POLR3E: variants seen among roughly 807,000 people sequenced by gnomAD.
POLR3E encodes DNA-directed RNA polymerase III subunit RPC5.
A neutral mutation model predicts 96.6 loss-of-function variants in POLR3E; 41 were observed. The ratio of observed to expected loss-of-function variants is 0.42; its 90% confidence interval spans 0.33 to 0.55. The LOEUF is 0.55. Ranked by LOEUF, POLR3E falls within the 20% of genes least tolerant of loss-of-function variation. POLR3E has a pLI of 0.06. For missense variants in POLR3E, 849 were observed against 952.1 expected, an observed-to-expected ratio of 0.89 and a Z score of 1.43; for synonymous variants, 396 against 383.6, an observed-to-expected ratio of 1.03 and a Z score of -0.38.
At chr16:22,303,537 C>T (rs1440793378) in intron 2 of POLR3E, among the ~76,000 whole-genome samples, 1 of 151,970 alleles carries the variant, frequency 6.6e-6, no homozygotes, top group Non-Finnish European at 1.5e-5. Context: ...TGTGACACAT[C>T]AGTGAGCAGG....
At chr16:22,302,805 A>T (rs2048053241) in intron 1 of POLR3E, 126 bp from the exon 2 acceptor site, 2 of 724,846 alleles carry the variant, frequency 2.8e-6, no homozygotes, top group Admixed American at 1.9e-5. Context: ...TTCAATGTAG[A>T]TGTAGAAAGA....
intron 14 of POLR3E, 100 bp downstream of exon 14, chr16:22,323,031 T>G (rs1039383574): frequency 8.0e-6 from 6 of 745,986 alleles, no homozygotes; most frequent in African/African-American, 1.7e-5. Context: ...AGGCTCCAGG[T>G]GGAGGCGGGT....
chr16:22,326,287 A>G lies in POLR3E; in HGVS notation c.1866+9A>G, dbSNP rs1215341265. ...AGCAGATACTGGTGCCTGTAAGTAG[A>G]GCCCTGCCTGCCAGGGGCATGGGGG... On this transcript the variant is annotated intron_variant, in intron 18 of 20. Coordinates refer to ENST00000299853, the MANE Select transcript of POLR3E (RefSeq NM_018119.4). The G allele has an allele frequency of 1.5e-6, 1 of 688,968 alleles. No homozygotes were observed. Among genetic ancestry groups the G allele is most frequent in the Non-Finnish European group, 2.3e-6 (1 of 431,760 alleles). 42.7% of individuals were successfully genotyped at this position (688,968 alleles called of 1,614,324 possible).
chr16:22,310,622 TA>T (rs60232148), intron 6 of POLR3E, among the ~76,000 whole-genome samples: 53 of 137,598 alleles, frequency 3.9e-4, no homozygotes, highest in Non-Finnish European at 5.0e-4. Context: ...TTAAAAAGTT[TA>T]AAAAAAAAAA....
In POLR3E at chr16:22,331,987, T is replaced by C; in HGVS notation, c.1945-73T>C. The stretch of plus-strand genomic sequence containing the variant: ...GCAACACAAAGTCAGGTGCATGGCT[T>C]GGGTGTCTTGTTTGGGGATGTTTCT... On this transcript the variant is annotated intron_variant, in intron 19 of 20. Coordinates refer to ENST00000299853, the MANE Select transcript of POLR3E (RefSeq NM_018119.4). 3.3e-6 allele frequency: 5 copies of C among 1,495,636 alleles called. No homozygotes were observed. The South Asian group carries it at 4.8e-5, about 14-fold the overall frequency. 92.6% of individuals were successfully genotyped at this position (1,495,636 alleles called of 1,614,324 possible).
At position 22,325,987 on chromosome 16, in the gene POLR3E, C is replaced by T; in HGVS notation, c.1575C>T (p.Gly525=). Residue 525 remains glycine, a synonymous_variant, in exon 18 of 21, where the codon GGC becomes GGT. Transcript: ENST00000299853. ...AGCCCATGGACACTTCCCCCAGCGG[C>T]CTCCACAGCAAGCTGGCCAACGGGC... The part of the protein sequence containing the change: ...EEEPMDTSPS[G]LHSKLANGLP... 2.5e-6 allele frequency: 4 copies of T among 1,594,116 alleles called. 1 individual carries two copies. The highest frequency in any genetic ancestry group is 3.4e-6 in the Non-Finnish European group (4 of 1,169,702).
rs773526479 is a variant in POLR3E, at chr16:22,303,009, C to T, written c.36+5C>T. On this transcript the variant is annotated splice_donor_5th_base_variant and intron_variant, in intron 2 of 20. Coordinates refer to ENST00000299853, the MANE Select transcript of POLR3E (RefSeq NM_018119.4). ...GATGACCCAGTTGTACAGGAGGTAA[C>T]TGCTGCTCTCTGTCCCCTGCCGCCG... is the stretch of plus-strand genomic sequence containing the variant. The T allele has an allele frequency of 6.2e-7, 1 of 1,613,582 alleles. No individual in the cohort carries two copies. The highest frequency in any genetic ancestry group is 1.1e-5 in the South Asian group (1 of 91,048).
At position 22,318,929 on chromosome 16, in the gene POLR3E, G is replaced by A; in HGVS notation, c.969G>A (p.Gly323=). ...GIQKVAMLVQ[G]NWVVKSDILY... ...AGAAGGTGGCGATGTTGGTCCAAGG[G>A]AACTGGGTGGTGAAGAGGTAAGTTG... is the stretch of plus-strand genomic sequence containing the variant. The change falls in exon 13 of 21, where the codon GGG becomes GGA. Residue 323 remains glycine (G), a synonymous_variant. Transcript: ENST00000299853. The surrounding 1 kb of genome is among the most constrained non-coding windows in gnomAD (Gnocchi z 5.0). 6.2e-7 allele frequency: 1 copy of A among 1,612,610 alleles called. No homozygotes were observed. Among genetic ancestry groups the A allele is most frequent in the Non-Finnish European group, 8.5e-7 (1 of 1,179,104 alleles).
intron 3 of POLR3E, among the ~76,000 whole-genome samples, chr16:22,307,362 T>C (rs145181023): frequency 5.3e-5 from 8 of 152,272 alleles, no homozygotes; most frequent in Non-Finnish European, 8.8e-5. Context: ...ACCGTCTCCT[T>C]GCGCTAGAAT....
intron 1 of POLR3E, chr16:22,302,362 C>G (rs2048042723): frequency 6.6e-6 from 1 of 152,504 alleles, no homozygotes; most frequent in African/African-American, 2.4e-5. Context: ...TGACAATCAC[C>G]ACACCTCATA....
rs763746754 is a variant in POLR3E, at chr16:22,308,908, G to T, written c.166-17G>T. The T allele has an allele frequency of 1.3e-6, 2 of 1,571,640 alleles. No individual in the cohort carries two copies. The highest frequency in any genetic ancestry group is 1.3e-5 in the African/African-American group (1 of 74,166). On this transcript the variant is annotated splice_polypyrimidine_tract_variant and intron_variant, in intron 4 of 20. Transcript: ENST00000299853. ...CTTGGGGTCCTCATAGCTGGTGGGGGTGCTTGGTGCCTCCAGGTAGAGCTT... is the reference window on the plus strand; with the variant it reads ...CTTGGGGTCCTCATAGCTGGTGGGGTTGCTTGGTGCCTCCAGGTAGAGCTT...
chr16:22,303,710 G>A (rs1389329741), intron 2 of POLR3E, among the ~76,000 whole-genome samples: 6 of 146,672 alleles, frequency 4.1e-5, no homozygotes, highest in East Asian at 2.0e-4. Flanking sequence ...GTGCCATCTC[G>A]GCTCACTGCA....
Position 22,313,867 on chromosome 16 carries a change from C to T in POLR3E, c.472+140C>T, listed in dbSNP as rs1257945570. ...CTACTAGATGCCAGAAGCACCCACC[C>T]CACAGTCGTGACAATCAAAAAGGTC... On this transcript the variant is annotated intron_variant, in intron 7 of 20. Transcript: ENST00000299853. The surrounding 1 kb of genome is among the most constrained non-coding windows in gnomAD (Gnocchi z 4.1). 5 of 703,070 alleles carry T rather than the reference C, an allele frequency of 7.1e-6. No homozygotes were observed. In the South Asian group the frequency reaches 8.6e-5, roughly 12 times the overall value. 43.6% of individuals were successfully genotyped at this position (703,070 alleles called of 1,614,324 possible).
At chr16:22,333,084 C>T (rs1257739677) in intron 20 of POLR3E, among the ~76,000 whole-genome samples, 1 of 148,030 alleles carries the variant, frequency 6.8e-6, no homozygotes, top group Non-Finnish European at 1.5e-5. Flanking sequence ...AAGCAATTCT[C>T]CTGCCTCAGC....
At chr16:22,320,113 A>G (rs890319996) in intron 13 of POLR3E, among the ~76,000 whole-genome samples, 5 of 152,158 alleles carry the variant, frequency 3.3e-5, no homozygotes, top group Non-Finnish European at 7.3e-5. Flanking sequence ...ATTCCAATCT[A>G]TTCAGAGATC....
At position 22,309,018 on chromosome 16, in the gene POLR3E, G is replaced by A. The variant is rs746948766; in HGVS notation, c.259G>A (p.Asp87Asn). ...IALNVDGACA[D>N]ETSTYSSKLM... ...GCTGAACGTGGACGGGGCCTGCGCCGACGAGACCAGCACGTATTCCTCGTG... is the reference window on the plus strand; with the variant it reads ...GCTGAACGTGGACGGGGCCTGCGCCAACGAGACCAGCACGTATTCCTCGTG... Residue 87 changes from aspartate (D) to asparagine (N), a missense_variant, in exon 5 of 21, where the codon GAC becomes AAC. Transcript: ENST00000299853. 8 of 1,612,876 alleles carry A rather than the reference G, an allele frequency of 5.0e-6. No homozygotes were observed. The highest frequency in any genetic ancestry group is 2.2e-5 in the East Asian group (1 of 44,872).
chr16:22,319,952 T>C (rs2048436772), intron 13 of POLR3E, among the ~76,000 whole-genome samples: 1 of 152,216 alleles, frequency 6.6e-6, no homozygotes, highest in South Asian at 2.1e-4. Flanking sequence ...TTTTATATCA[T>C]TCTTACCATC....
chr16:22,303,639 CTTTTTTTTTTT>C (rs58949663), intron 2 of POLR3E, among the ~76,000 whole-genome samples: 1 of 114,276 alleles, frequency 8.8e-6, no homozygotes, highest in African/African-American at 4.8e-5. Flanking sequence ...GCAGATTTCC[CTTTTTTTTTTT>C]TTTTTTTGGA....
rs1392067549 is a variant in POLR3E at position 22,322,685 on chromosome 16, C to T, written c.987-165C>T. The stretch of plus-strand genomic sequence containing the variant: ...TGTGGGGTAGAGGGGTGCTTCTTTC[C>T]CATGTCTGTGTTCACAGATGTGGCT... On this transcript the variant is annotated intron_variant, in intron 13 of 20. Coordinates refer to ENST00000299853, the MANE Select transcript of POLR3E (RefSeq NM_018119.4). The surrounding 1 kb of genome is among the most constrained non-coding windows in gnomAD (Gnocchi z 5.2). 6.6e-6 allele frequency among the ~76,000 whole-genome samples: 1 copy of T among 152,008 alleles called. No individual in the cohort carries two copies. The highest frequency in any genetic ancestry group is 1.5e-5 in the Non-Finnish European group (1 of 67,990).
Sources: allele counts gnomAD v4.1 joint callset (sites outside exome capture counted in the v4.1 genomes callset), GRCh38; gene constraint gnomAD v4.1.1; non-coding constraint Gnocchi (gnomAD v3.1); transcripts MANE v1.5; gene names NCBI Gene and HGNC (gene_info 2026-07-23, HGNC 2026-07-21).